SLC16A10: variants seen among roughly 807,000 people sequenced by gnomAD.
The protein encoded by SLC16A10 is solute carrier family 16 member 10, also known as monocarboxylate transporter 10.
SLC16A10 carries 27 observed loss-of-function variants against 40.0 expected under a neutral mutation model. The ratio of observed to expected loss-of-function variants is 0.67; its 90% CI spans 0.50 to 0.93. The LOEUF (loss-of-function observed/expected upper bound fraction) is 0.93, where lower values mean the gene tolerates loss of function less well. Among genes scored for constraint, SLC16A10 ranks in the 40% least tolerant of loss-of-function variants. The pLI, the probability that SLC16A10 is intolerant of heterozygous loss-of-function variation, is 0.00. For missense variants in SLC16A10, 529 were observed against 658.2 expected (o/e 0.80, Z 2.15); for synonymous variants, 213 against 249.8 (o/e 0.85, Z 1.39).
At chr6:111,162,470 T>G (rs1772387868) in intron 1 of SLC16A10, among the ~76,000 whole-genome samples, 2 of 152,214 alleles carry the variant, frequency 1.3e-5, no homozygotes, top group South Asian at 4.1e-4. Context: ...AGACAAAGTA[T>G]GAGGCCAGTT....
intron 1 of SLC16A10, among the ~76,000 whole-genome samples, chr6:111,112,912 A>G (rs1001810018): frequency 6.6e-6 from 1 of 152,206 alleles, no homozygotes; most frequent in African/African-American, 2.4e-5. Context: ...TACTTCAAGT[A>G]TATCAGCAGG....
At chr6:111,093,534 T>A (rs111654307) in intron 1 of SLC16A10, among the ~76,000 whole-genome samples, 2,462 of 152,352 alleles carry the variant, frequency 0.016, 42 homozygotes, top group African/African-American at 0.041. Flanking sequence ...CACATTGTAC[T>A]GTTGTATGTG....
chr6:111,218,265 G>T (rs974088937), intron 4 of SLC16A10, among the ~76,000 whole-genome samples: 7 of 152,022 alleles, frequency 4.6e-5, no homozygotes, highest in African/African-American at 1.7e-4. Flanking sequence ...TTGCAGGCTG[G>T]GAGGGAAATT....
chr6:111,174,113 C>A (rs1415366308), intron 2 of SLC16A10, among the ~76,000 whole-genome samples: 1 of 152,134 alleles, frequency 6.6e-6, no homozygotes, highest in African/African-American at 2.4e-5. Context: ...TAGACAAACA[C>A]TGATTTAATA....
At chr6:111,166,486 C>A (rs904294865) in intron 1 of SLC16A10, among the ~76,000 whole-genome samples, 1 of 150,352 alleles carries the variant, frequency 6.7e-6, no homozygotes, top group East Asian at 1.9e-4. Flanking sequence ...TATTTGCATA[C>A]ATTTATTTTA....
intron 1 of SLC16A10, among the ~76,000 whole-genome samples, chr6:111,110,373 T>G (rs1583307675): frequency 9.6e-5 from 14 of 145,346 alleles, no homozygotes; most frequent in Admixed American, 2.8e-4. Context: ...AAGATAGGAG[T>G]AGCTTGAGAA....
chr6:111,110,355 T>TG (rs1301909105), intron 1 of SLC16A10, among the ~76,000 whole-genome samples: 35 of 151,282 alleles, frequency 2.3e-4, no homozygotes, highest in Non-Finnish European at 1.5e-5. Flanking sequence ...CAATTTTTTT[T>TG]TTTTTTGAAG....
chr6:111,173,054 CATCA>C (rs1349148181), intron 2 of SLC16A10, among the ~76,000 whole-genome samples: 1 of 152,120 alleles, frequency 6.6e-6, no homozygotes, highest in Admixed American at 6.5e-5. Flanking sequence ...AAGACTTAGA[CATCA>C]ATCAGGATAT....
intron 1 of SLC16A10, among the ~76,000 whole-genome samples, chr6:111,155,972 G>A (rs943819809): frequency 4.2e-4 from 64 of 152,214 alleles, no homozygotes; most frequent in African/African-American, 1.5e-3. Context: ...TTAGCCTGGA[G>A]CATCTTATAT....
chr6:111,181,317 T>A (rs1772788119), intron 3 of SLC16A10, among the ~76,000 whole-genome samples: 1 of 152,056 alleles, frequency 6.6e-6, no homozygotes, highest in South Asian at 2.1e-4. Context: ...TCTGTAAGCA[T>A]CAGTTTCCTC....
chr6:111,099,416 G>A (rs12110742), intron 1 of SLC16A10, among the ~76,000 whole-genome samples: 1,578 of 152,188 alleles, frequency 0.01, 36 homozygotes, highest in African/African-American at 0.036. Context: ...GGGCTCAAGC[G>A]ATTTTCTTGC....
At chr6:111,172,584 C>G in intron 1 of SLC16A10, 111 bp from the exon 2 acceptor site, 15 of 1,333,006 alleles carry the variant, frequency 1.1e-5, no homozygotes, top group Non-Finnish European at 1.5e-5. Flanking sequence ...AGGCACTATA[C>G]TCAAAAAAAC....
chr6:111,212,536 T>C (rs1773361043), intron 4 of SLC16A10, among the ~76,000 whole-genome samples: 1 of 152,178 alleles, frequency 6.6e-6, no homozygotes. Flanking sequence ...CTTATGCCTA[T>C]AATCCCAGCG....
Position 111,206,593 on chromosome 6 carries a change from T to A in SLC16A10, c.944T>A (p.Met315Lys), listed in dbSNP as rs770047866. Residue 315 changes from methionine to lysine, a missense_variant and splice_region_variant, in exon 4 of 6, where the codon ATG becomes AAG. Coordinates refer to ENST00000368851, the MANE Select transcript of SLC16A10 (RefSeq NM_018593.5). ...FGYFVPYVHL[M>K]KHVNERFQDE... ...GGTTTCTTTCTCTTTGGCCTATAGA[T>A]GAAACATGTAAATGAAAGATTTCAA... 5.6e-6 allele frequency: 9 copies of A among 1,613,894 alleles called. No homozygotes were observed. The highest frequency in any genetic ancestry group is 7.6e-6 in the Non-Finnish European group (9 of 1,179,976).
At chr6:111,196,909 T>C (rs962279135) in intron 3 of SLC16A10, among the ~76,000 whole-genome samples, 1 of 152,142 alleles carries the variant, frequency 6.6e-6, no homozygotes, top group Non-Finnish European at 1.5e-5. Flanking sequence ...TGAGGAGGTG[T>C]TGGGTTCAGT....
intron 1 of SLC16A10, among the ~76,000 whole-genome samples, chr6:111,157,867 A>G (rs1474033504): frequency 6.6e-6 from 1 of 151,836 alleles, no homozygotes; most frequent in Non-Finnish European, 1.5e-5. Flanking sequence ...ATTTCAGAGT[A>G]TCAGTACTAT....
At chr6:111,109,623 A>T (rs1771349950) in intron 1 of SLC16A10, among the ~76,000 whole-genome samples, 1 of 151,750 alleles carries the variant, frequency 6.6e-6, no homozygotes, top group Non-Finnish European at 1.5e-5. Context: ...TCTAATTTTT[A>T]AATTGTTTGT....
rs1031311250 is a variant in SLC16A10 at position 111,159,738 on chromosome 6, T to C, written c.344-12957T>C. Among the ~76,000 whole-genome samples, 11 of 152,186 alleles carry C rather than the reference T, an allele frequency of 7.2e-5. No individual in the cohort carries two copies. In the East Asian group the frequency reaches 1.2e-3, roughly 16 times the overall value. On this transcript the variant is annotated intron_variant, in intron 1 of 5. Transcript: ENST00000368851. The stretch of plus-strand genomic sequence containing the variant: ...GAAATTCCTGAACTGCTTTCCAAAG[T>C]GTTTGTACTATTTTATATTCCCAGT...
intron 1 of SLC16A10, among the ~76,000 whole-genome samples, chr6:111,103,755 C>T (rs773937295): frequency 3.3e-5 from 5 of 152,052 alleles, no homozygotes; most frequent in African/African-American, 4.8e-5. Flanking sequence ...TTAGGTGTTA[C>T]GAGATTGGGA....
Sources: gnomAD v4.1 joint callset for allele counts (sites outside exome capture counted in the v4.1 genomes callset) on GRCh38, gnomAD v4.1.1 for gene constraint, MANE v1.5 for transcripts, NCBI Gene and HGNC (gene_info 2026-07-23, HGNC 2026-07-21) for gene names.